ARMC12: variants seen among roughly 807,000 people sequenced by gnomAD.
The protein encoded by ARMC12 is armadillo repeat containing 12, also known as armadillo repeat-containing protein 12.
In ARMC12, 25 loss-of-function variants were observed where a neutral mutation model predicts 37.4. The observed-to-expected ratio is 0.67, with a 90% CI of 0.49 to 0.93. The LOEUF is 0.93. ARMC12 is among the 40% of genes least tolerant of loss of function. The probability of loss-of-function intolerance (pLI) is 0.00; values close to 1 mark genes in which losing one functional copy is unlikely to be tolerated. For missense variants in ARMC12, 384 were observed against 426.6 expected, an observed-to-expected ratio of 0.90 and a Z score of 0.88; for synonymous variants, 167 against 176.1, an observed-to-expected ratio of 0.95 and a Z score of 0.41.
At chr6:35,746,373 G>T (rs1437397385) in intron 3 of ARMC12, among the ~76,000 whole-genome samples, 1 of 152,166 alleles carries the variant, frequency 6.6e-6, no homozygotes, top group African/African-American at 2.4e-5. Context: ...TGGTCATGAG[G>T]GAGAGAAGAG....
intron 3 of ARMC12, among the ~76,000 whole-genome samples, chr6:35,744,219 G>T (rs1469047617): frequency 6.6e-6 from 1 of 152,064 alleles, no homozygotes; most frequent in Non-Finnish European, 1.5e-5. Context: ...TCGGCTCACT[G>T]CAACTTCCGC....
At chr6:35,737,531 C>T (rs1406643544) in intron 1 of ARMC12, among the ~76,000 whole-genome samples, 1 of 152,194 alleles carries the variant, frequency 6.6e-6, no homozygotes, top group African/African-American at 2.4e-5. Context: ...CCTCTGGCTC[C>T]CAGGATTCCA....
intron 5 of ARMC12, among the ~76,000 whole-genome samples, chr6:35,748,203 T>C (rs1053092147): frequency 6.6e-6 from 1 of 152,172 alleles, no homozygotes; most frequent in African/African-American, 2.4e-5. Flanking sequence ...ACAAATAAGC[T>C]TGAGCCATTA....
At chr6:35,731,684 T>C in the ARMC12 span, among the ~76,000 whole-genome samples, 2 of 151,840 alleles carry the variant, frequency 1.3e-5, no homozygotes, top group Admixed American at 1.3e-4. Context: ...CGAGTGTGGG[T>C]ACCCACCTCC....
At chr6:35,737,573 C>G (rs568496907) in intron 1 of ARMC12, among the ~76,000 whole-genome samples, 2 of 152,190 alleles carry the variant, frequency 1.3e-5, no homozygotes, top group African/African-American at 4.8e-5. Flanking sequence ...GCAGCTCCCC[C>G]CATCCCTTTT....
rs753678132 is a variant in ARMC12 at position 35,738,388 on chromosome 6, C to T, written c.314C>T (p.Ser105Phe). 1 of 1,613,604 alleles carries T rather than the reference C, an allele frequency of 6.2e-7. No individual in the cohort carries two copies. Among genetic ancestry groups the T allele is most frequent in the South Asian group, 1.1e-5 (1 of 91,050 alleles). ...RCVYLLEAEASACTTDDIVLL... is the reference protein window; with the variant it reads ...RCVYLLEAEAFACTTDDIVLL... ...CATCTCTCCCCAATACTCCAGGCCT[C>T]TGCTTGTACTACGGATGACATCGTG... is the stretch of plus-strand genomic sequence containing the variant. The change falls in exon 3 of 6, where the codon TCT (serine) becomes TTT (phenylalanine). Residue 105 changes from serine (S) to phenylalanine (F), a missense_variant. Coordinates refer to ENST00000373866, the MANE Select transcript of ARMC12 (RefSeq NM_001286574.2).
chr6:35,748,893 A>T lies in ARMC12; in HGVS notation c.*23A>T, dbSNP rs1324315784. ...TAAAATTAAGGAGAGCCAATAAATG[A>T]GTATAGGAGAGAAACTTGAAGTTTC... On this transcript the variant is annotated 3_prime_UTR_variant, in exon 6 of 6. Coordinates refer to ENST00000373866, the MANE Select transcript of ARMC12 (RefSeq NM_001286574.2). The T allele has an allele frequency of 6.4e-7, 1 of 1,568,918 alleles. No homozygotes were observed. The highest frequency in any genetic ancestry group is 2.3e-5 in the East Asian group (1 of 44,402).
In ARMC12 at chr6:35,742,842, A is replaced by G. The variant is rs553551693; in HGVS notation, c.444+4324A>G. Among the ~76,000 whole-genome samples, 5 of 152,302 alleles carry G rather than the reference A, an allele frequency of 3.3e-5. 1 individual carries two copies. In the South Asian group the frequency reaches 1.0e-3, roughly 32 times the overall value. ...TGGAGCTCACCCCATTCCCTGAATC[A>G]GCCCACTCTCTCCAGAGGGCTCTTA... is the stretch of plus-strand genomic sequence containing the variant. On this transcript the variant is annotated intron_variant, in intron 3 of 5. Transcript: ENST00000373866.
intron 3 of ARMC12, 86 bp downstream of exon 3, chr6:35,738,604 C>T: frequency 6.6e-7 from 1 of 1,519,064 alleles, no homozygotes; most frequent in Non-Finnish European, 8.9e-7. Context: ...GGTCATGTTC[C>T]AGAAGTTTGT....
chr6:35,731,535 G>A, the ARMC12 span, among the ~76,000 whole-genome samples: 1 of 151,896 alleles, frequency 6.6e-6, no homozygotes, highest in Admixed American at 6.6e-5. Context: ...TCTCTCCATC[G>A]TCTCCTGGTG....
upstream of ARMC12, among the ~76,000 whole-genome samples, chr6:35,736,231 AT>A (rs919151485): frequency 2.0e-5 from 3 of 152,188 alleles, no homozygotes; most frequent in African/African-American, 7.2e-5. Context: ...AAAAGGGTGG[AT>A]TTGCCTCAAG....
At position 35,747,408 on chromosome 6, in the gene ARMC12, C is replaced by T. The variant is rs1767374188; in HGVS notation, c.592C>T (p.Leu198=). 3 of 1,614,236 alleles carry T rather than the reference C, an allele frequency of 1.9e-6. No individual in the cohort carries two copies. Among genetic ancestry groups the T allele is most frequent in the Non-Finnish European group, 2.5e-6 (3 of 1,180,046 alleles). ...RRVMPALMEI[L]QSDYILAQVQ... Reference sequence around the variant, plus strand: ...GGTGATGCCTGCCTTGATGGAGATCCTGCAGTCAGACTACATCCTGGCACA... The same window carrying T: ...GGTGATGCCTGCCTTGATGGAGATCTTGCAGTCAGACTACATCCTGGCACA... Residue 198 remains leucine (L), a synonymous_variant, in exon 4 of 6, where the codon CTG becomes TTG. Coordinates refer to ENST00000373866, the MANE Select transcript of ARMC12 (RefSeq NM_001286574.2).
At chr6:35,733,503 A>G (rs2817037), upstream of ARMC12, among the ~76,000 whole-genome samples, 120,557 of 152,140 alleles carry the variant, frequency 0.79, 47,930 homozygotes, top group Middle Eastern at 0.83. Context: ...AGCTAAGTCC[A>G]TGACTAAACT....
intron 3 of ARMC12, among the ~76,000 whole-genome samples, chr6:35,738,738 C>T (rs1767073655): frequency 6.6e-6 from 1 of 152,064 alleles, no homozygotes; most frequent in Non-Finnish European, 1.5e-5. Flanking sequence ...TCTCTCAACC[C>T]CAAAGAGAAG....
Position 35,748,797 on chromosome 6 carries a change from A to T in ARMC12, c.950A>T (p.Gln317Leu). ...GCCTGCAAGGTCATTGTCAGCCTGC[A>T]GTATCCCCAGGACTTGAGAGCCCGG... ...IQACKVIVSL[Q>L]YPQDLRARPS... The change falls in exon 6 of 6, where the codon CAG (glutamine) becomes CTG (leucine). Residue 317 changes from glutamine to leucine, a missense_variant. Coordinates refer to ENST00000373866, the MANE Select transcript of ARMC12 (RefSeq NM_001286574.2). The T allele has an allele frequency of 6.2e-7, 1 of 1,614,244 alleles. No homozygotes were observed. The highest frequency in any genetic ancestry group is 1.1e-5 in the South Asian group (1 of 91,088).
chr6:35,733,204 C>T (rs907868569), upstream of ARMC12, among the ~76,000 whole-genome samples: 1 of 151,906 alleles, frequency 6.6e-6, no homozygotes, highest in African/African-American at 2.4e-5. Flanking sequence ...ATAAAAAAGA[C>T]GACCAGCGTG....
chr6:35,740,309 G>GA (rs986652188), intron 3 of ARMC12, among the ~76,000 whole-genome samples: 48 of 151,908 alleles, frequency 3.2e-4, no homozygotes, highest in Middle Eastern at 3.4e-3. Flanking sequence ...CTGCTGCCAT[G>GA]AAAAAAATGG....
intron 3 of ARMC12, among the ~76,000 whole-genome samples, chr6:35,741,895 C>T (rs1422955906): frequency 6.6e-6 from 1 of 152,082 alleles, no homozygotes; most frequent in African/African-American, 2.4e-5. Flanking sequence ...TGCCTCATCC[C>T]TCAGCCTTCT....
intron 3 of ARMC12, among the ~76,000 whole-genome samples, chr6:35,744,590 A>G (rs1443639277): frequency 6.6e-6 from 1 of 152,026 alleles, no homozygotes; most frequent in Non-Finnish European, 1.5e-5. Context: ...CCCCATCTCT[A>G]CTAAAAATAC....
Sources: gnomAD v4.1 joint callset for allele counts (sites outside exome capture counted in the v4.1 genomes callset) on GRCh38, gnomAD v4.1.1 for gene constraint, MANE v1.5 for transcripts, NCBI Gene and HGNC (gene_info 2026-07-23, HGNC 2026-07-21) for gene names.